LYSMD2: variants seen among roughly 807,000 people sequenced by gnomAD.
The protein encoded by LYSMD2 is lysM and putative peptidoglycan-binding domain-containing protein 2.
Under a neutral mutation model 17.7 loss-of-function variants are expected in LYSMD2, and 6 were observed. The observed-to-expected ratio is 0.34, with a 90% confidence interval of 0.19 to 0.67. LYSMD2 has a LOEUF of 0.67. Ranked by LOEUF, LYSMD2 falls within the 30% of genes least tolerant of loss-of-function variation. LYSMD2 has a pLI of 0.69. For missense variants in LYSMD2, 237 were observed against 286.7 expected (o/e 0.83, Z 1.25); for synonymous variants, 102 against 129.8 (o/e 0.79, Z 1.45).
At chr15:51,733,084 C>G (rs563592288) in intron 1 of LYSMD2, among the ~76,000 whole-genome samples, 39 of 152,182 alleles carry the variant, frequency 2.6e-4, no homozygotes, top group Non-Finnish European at 5.0e-4. Flanking sequence ...GCATTCTAAG[C>G]ACCAGCCACA....
intron 1 of LYSMD2, among the ~76,000 whole-genome samples, chr15:51,736,935 T>C (rs956156652): frequency 1.3e-5 from 2 of 152,216 alleles, no homozygotes; most frequent in African/African-American, 2.4e-5. Context: ...GACAACAAAA[T>C]TCACCTCAGT....
Position 51,737,262 on chromosome 15 carries a change from T to TGCCCCC in LYSMD2, c.273+87_273+88insGGGGGC. The TGCCCCC allele has an allele frequency of 3.0e-5, 4 of 134,038 alleles. No homozygotes were observed. The highest frequency in any genetic ancestry group is 1.9e-4 in the East Asian group (1 of 5,308). 8.3% of individuals were successfully genotyped at this position (134,038 alleles called of 1,614,324 possible). ...CCATCCCCCAAACCCCCACCCGCAG[T>TGCCCCC]CCCACCCCCACCCCCACCGCACCCC... On this transcript the variant is annotated intron_variant, in intron 1 of 2. Transcript: ENST00000267838. This position sits in a 1 kb window ranked among gnomAD's most constrained non-coding sequence, Gnocchi z 4.2.
intron 1 of LYSMD2, among the ~76,000 whole-genome samples, chr15:51,732,352 A>G (rs2055582290): frequency 6.6e-6 from 1 of 152,216 alleles, no homozygotes; most frequent in Admixed American, 6.5e-5. Context: ...GCCACAGAAG[A>G]TACAAACATC....
Position 51,724,939 on chromosome 15 carries a change from G to C in LYSMD2, c.456C>G (p.Ala152=). The C allele has an allele frequency of 6.2e-7, 1 of 1,614,048 alleles. No individual in the cohort carries two copies. The highest frequency in any genetic ancestry group is 8.5e-7 in the Non-Finnish European group (1 of 1,179,966). Residue 152 remains alanine (A), a synonymous_variant, in exon 2 of 3, where the codon GCC becomes GCG. Transcript: ENST00000267838. ...GACTGGGAGGAGGGAGGTCTTCCCC[G>C]GCCACCACTGGCTCCTCTTCCTGAG... ...SFSQEEEPVV[A]GEDLPPPSPQ... is the part of the protein sequence containing the mutation.
At chr15:51,751,423 C>T (rs1284287676) in exon 1 of LYSMD2, 4 of 696,752 alleles carry the variant, frequency 5.7e-6, no homozygotes, top group South Asian at 4.5e-5. Flanking sequence ...GGTGCTTCCT[C>T]CCCTGCAGAG....
At chr15:51,726,865 C>G (rs923276819) in intron 1 of LYSMD2, among the ~76,000 whole-genome samples, 1 of 152,202 alleles carries the variant, frequency 6.6e-6, no homozygotes, top group Non-Finnish European at 1.5e-5. Context: ...ACTACGACTG[C>G]TAATAGTCAT....
rs1397714639 is a variant in LYSMD2, at chr15:51,737,322, C to A, written c.273+28G>T. The stretch of plus-strand genomic sequence containing the variant: ...CGCCTCCTGCGCGGTAGCTGCCAGC[C>A]CGGGCCGCGGCGGCGCGCCCTGCTC... On this transcript the variant is annotated intron_variant, in intron 1 of 2. Transcript: ENST00000267838. This position sits in a 1 kb window ranked among gnomAD's most constrained non-coding sequence, Gnocchi z 4.2. 7.6e-7 allele frequency: 1 copy of A among 1,320,512 alleles called. No individual in the cohort carries two copies. 81.8% of individuals were successfully genotyped at this position (1,320,512 alleles called of 1,614,324 possible).
Position 51,723,582 on chromosome 15 carries a change from G to C in LYSMD2, c.*25C>G. 1.3e-6 allele frequency: 2 copies of C among 1,574,232 alleles called. No homozygotes were observed. The highest frequency in any genetic ancestry group is 1.1e-5 in the South Asian group (1 of 90,166). On this transcript the variant is annotated 3_prime_UTR_variant, in exon 3 of 3. Coordinates refer to ENST00000267838, the MANE Select transcript of LYSMD2 (RefSeq NM_153374.3). The stretch of plus-strand genomic sequence containing the variant: ...TATGGTCCAAACATATCTTAATTTT[G>C]GTTAGAGTTATGCCCCCAAATCACC...
At chr15:51,749,122 A>G (rs1185651070) in intron 1 of LYSMD2, among the ~76,000 whole-genome samples, 1 of 152,228 alleles carries the variant, frequency 6.6e-6, no homozygotes, top group East Asian at 1.9e-4. Context: ...AAGCAAGTAG[A>G]AAAGTTAAAC....
At position 51,723,542 on chromosome 15, in the gene LYSMD2, A is replaced by T; in HGVS notation, c.*65T>A. 1 of 1,285,262 alleles carries T rather than the reference A, an allele frequency of 7.8e-7. No homozygotes were observed. The highest frequency in any genetic ancestry group is 1.2e-5 in the South Asian group (1 of 84,228). 79.6% of individuals were successfully genotyped at this position (1,285,262 alleles called of 1,614,324 possible). The stretch of plus-strand genomic sequence containing the variant: ...CCAGAAGGGATGTTTTTGAATCTTC[A>T]GTTGTTGGATTCTTTATGGTCCAAA... On this transcript the variant is annotated 3_prime_UTR_variant, in exon 3 of 3. Transcript: ENST00000267838.
intron 1 of LYSMD2, among the ~76,000 whole-genome samples, chr15:51,747,017 TAAAAAAAA>T (rs1050919768): frequency 3.0e-5 from 2 of 65,788 alleles, no homozygotes; most frequent in African/African-American, 5.7e-5. Context: ...CTGTCTCTAC[TAAAAAAAA>T]AAAAAAAAAA....
intron 2 of LYSMD2, among the ~76,000 whole-genome samples, 162 bp from the exon 3 acceptor site, chr15:51,723,811 T>C (rs1161065177): frequency 6.6e-6 from 1 of 152,152 alleles, no homozygotes; most frequent in African/African-American, 2.4e-5. Context: ...ACTTAAGACA[T>C]ACCTTACTAT....
intron 1 of LYSMD2, among the ~76,000 whole-genome samples, chr15:51,747,418 G>C (rs181990978): frequency 9.9e-5 from 15 of 152,120 alleles, no homozygotes; most frequent in East Asian, 5.8e-4. Context: ...TTGAACCCAG[G>C]GGGTGGAGGC....
chr15:51,728,578 A>G (rs1164929363), intron 1 of LYSMD2, among the ~76,000 whole-genome samples: 2 of 152,066 alleles, frequency 1.3e-5, no homozygotes, highest in Non-Finnish European at 2.9e-5. Flanking sequence ...CCCATAAAAT[A>G]TTGTTTCTCA....
At chr15:51,737,998 T>C (rs1211133585), upstream of LYSMD2, 6 of 163,524 alleles carry the variant, frequency 3.7e-5, no homozygotes, top group African/African-American at 7.2e-5. The surrounding 1 kb of genome is among the most constrained non-coding windows in gnomAD (Gnocchi z 4.2). Context: ...CCCTGCTCCA[T>C]TGGCGATAGA....
rs964746376 is a variant in LYSMD2 at position 51,729,790 on chromosome 15, G to A, written c.274-4669C>T. Among the ~76,000 whole-genome samples, 4 of 152,216 alleles carry A rather than the reference G, an allele frequency of 2.6e-5. No individual in the cohort carries two copies. In the South Asian group the frequency reaches 6.2e-4, roughly 24 times the overall value. On this transcript the variant is annotated intron_variant, in intron 1 of 2. Coordinates refer to ENST00000267838, the MANE Select transcript of LYSMD2 (RefSeq NM_153374.3). The stretch of plus-strand genomic sequence containing the variant: ...GTATGTTTTATACTTCTGTCTGAAC[G>A]TAGCTGGGTCTACTGTTCTGGCAAT...
intron 1 of LYSMD2, among the ~76,000 whole-genome samples, chr15:51,743,983 C>G (rs779734776): frequency 6.6e-6 from 1 of 151,942 alleles, no homozygotes; most frequent in Non-Finnish European, 1.5e-5. Context: ...TTGTTATAAT[C>G]ATTTCTTTGT....
In LYSMD2 at chr15:51,725,136, A is replaced by G; in HGVS notation, c.274-15T>C. On this transcript the variant is annotated splice_polypyrimidine_tract_variant and intron_variant, in intron 1 of 2. Coordinates refer to ENST00000267838, the MANE Select transcript of LYSMD2 (RefSeq NM_153374.3). ...ATCTGTTCCATCTAAAATATAAAAAAGGAGACACAGAATTACATATAACCA... is the reference window on the plus strand; with the variant it reads ...ATCTGTTCCATCTAAAATATAAAAAGGGAGACACAGAATTACATATAACCA... 1 of 1,508,768 alleles carries G rather than the reference A, an allele frequency of 6.6e-7. No homozygotes were observed. Among genetic ancestry groups the G allele is most frequent in the Non-Finnish European group, 9.1e-7 (1 of 1,103,988 alleles). 93.5% of individuals were successfully genotyped at this position (1,508,768 alleles called of 1,614,324 possible).
At chr15:51,743,950 T>C (rs1172059112) in intron 1 of LYSMD2, among the ~76,000 whole-genome samples, 2 of 152,240 alleles carry the variant, frequency 1.3e-5, no homozygotes, top group Non-Finnish European at 2.9e-5. Flanking sequence ...GTTTTTTCTG[T>C]AATAATCTTG....
Sources: allele counts gnomAD v4.1 joint callset (sites outside exome capture counted in the v4.1 genomes callset), GRCh38; gene constraint gnomAD v4.1.1; non-coding constraint Gnocchi (gnomAD v3.1); transcripts MANE v1.5; gene names NCBI Gene and HGNC (gene_info 2026-07-23, HGNC 2026-07-21).